ZNF664: variants seen among roughly 807,000 people sequenced by gnomAD.
ZNF664 encodes zinc finger protein 664, also known as zinc finger Organ of Corti 1.
ZNF664 carries 10 observed loss-of-function variants against 18.2 expected under a neutral mutation model. That is an observed-to-expected ratio of 0.55 (90% CI 0.34 to 0.93). The LOEUF is 0.93. Ranked by LOEUF, ZNF664 falls within the 40% of genes least tolerant of loss-of-function variation. ZNF664 has a pLI of 0.02. For synonymous variants in ZNF664, 119 were observed against 104.2 expected, an observed-to-expected ratio of 1.14 and a Z score of -0.86; for missense variants, 193 against 319.0, an observed-to-expected ratio of 0.61 and a Z score of 3.01.
Position 124,012,790 on chromosome 12 carries a change from A to G in ZNF664, c.646A>G (p.Ile216Val). The G allele has an allele frequency of 6.2e-7, 1 of 1,613,792 alleles. No individual in the cohort carries two copies. Among genetic ancestry groups the G allele is most frequent in the Non-Finnish European group, 8.5e-7 (1 of 1,179,780 alleles). Residue 216 changes from isoleucine (I) to valine (V), a missense_variant, in exon 5 of 5, where the codon ATC (isoleucine) becomes GTC (valine). Coordinates refer to ENST00000337815, the MANE Select transcript of ZNF664 (RefSeq NM_152437.3). The part of the protein sequence containing the change: ...KAFSQSSSLC[I>V]HQRVHTGEKP... Reference sequence around the variant, plus strand: ...CTTCAGTCAGAGTTCGAGCCTGTGCATCCACCAGAGAGTCCACACAGGAGA... The same window carrying G: ...CTTCAGTCAGAGTTCGAGCCTGTGCGTCCACCAGAGAGTCCACACAGGAGA...
chr12:123,987,704 A>G (rs1207838811), intron 2 of ZNF664, among the ~76,000 whole-genome samples: 1 of 152,232 alleles, frequency 6.6e-6, no homozygotes, highest in Non-Finnish European at 1.5e-5. Context: ...CATTTTAGCC[A>G]GTCTGAGTCA....
At position 123,976,814 on chromosome 12, in the gene ZNF664, C is replaced by T. The variant is rs559817720; in HGVS notation, c.-757+2794C>T. On this transcript the variant is annotated intron_variant, in intron 2 of 4. Transcript: ENST00000337815. ...AAAAAAAAAAGATCCTGGCCATGCA[C>T]AGTGGCTCACACCTGTAATCCCAGC... Among the ~76,000 whole-genome samples the T allele has an allele frequency of 7.0e-4, 106 of 152,142 alleles. 1 individual carries two copies. Among genetic ancestry groups the T allele is most frequent in the African/African-American group, 2.3e-3 (96 of 41,510 alleles).
chr12:124,003,576 T>G (rs1957038175), intron 3 of ZNF664: 1 of 152,266 alleles, frequency 6.6e-6, no homozygotes, highest in Non-Finnish European at 1.5e-5. Flanking sequence ...TTTTGTATTT[T>G]TAGTAGAGAC....
At chr12:123,982,450 C>G (rs1269759142) in intron 2 of ZNF664, among the ~76,000 whole-genome samples, 1 of 152,140 alleles carries the variant, frequency 6.6e-6, no homozygotes, top group Non-Finnish European at 1.5e-5. Context: ...CTGCCCTCCC[C>G]CTAATCTCTT....
intron 3 of ZNF664, chr12:123,998,274 C>T (rs1956972868): frequency 6.6e-6 from 1 of 152,176 alleles, no homozygotes; most frequent in Non-Finnish European, 1.5e-5. Context: ...TTCTGTTTTT[C>T]CTAAAAGATA....
chr12:124,002,880 G>A (rs969085335), intron 3 of ZNF664, among the ~76,000 whole-genome samples: 1 of 152,142 alleles, frequency 6.6e-6, no homozygotes, highest in African/African-American at 2.4e-5. Context: ...AGAGGGTATA[G>A]ATTCAGAAAA....
intron 1 of ZNF664, chr12:123,973,607 G>A (rs1180669790): frequency 2.7e-5 from 11 of 410,974 alleles, no homozygotes; most frequent in Non-Finnish European, 3.0e-5. Flanking sequence ...GCGGGGGAGC[G>A]GGGCCGGGGG....
At chr12:124,010,552 C>G (rs1457564725) in intron 3 of ZNF664, among the ~76,000 whole-genome samples, 1 of 152,196 alleles carries the variant, frequency 6.6e-6, no homozygotes, top group Admixed American at 6.5e-5. Flanking sequence ...GTACCTTTAT[C>G]TGCTCCACCA....
chr12:123,986,309 A>T (rs1956824435), intron 2 of ZNF664, among the ~76,000 whole-genome samples: 1 of 152,246 alleles, frequency 6.6e-6, no homozygotes. Flanking sequence ...GATCAGACCC[A>T]TGAGGAACTC....
At chr12:123,992,896 C>G (rs1442285617) in intron 3 of ZNF664, among the ~76,000 whole-genome samples, 1 of 152,152 alleles carries the variant, frequency 6.6e-6, no homozygotes, top group Non-Finnish European at 1.5e-5. Context: ...TTGGGCTACT[C>G]TGAGTGAAAC....
intron 2 of ZNF664, among the ~76,000 whole-genome samples, chr12:123,986,844 A>C (rs1199382897): frequency 1.3e-5 from 2 of 152,298 alleles, no homozygotes; most frequent in African/African-American, 2.4e-5. Context: ...GCCCAATATC[A>C]AGACCACTTG....
chr12:123,997,342 A>C (rs1956961820), intron 3 of ZNF664, among the ~76,000 whole-genome samples: 1 of 152,220 alleles, frequency 6.6e-6, no homozygotes, highest in African/African-American at 2.4e-5. Flanking sequence ...CTGCTGTAAC[A>C]AAGTACCACA....
In ZNF664 at chr12:123,988,130, G is replaced by A; in HGVS notation, c.-669G>A. On this transcript the variant is annotated 5_prime_UTR_variant, in exon 3 of 5. Transcript: ENST00000337815. ...GGAATGTCTTGGGGGTTTTGATCCT[G>A]TCACTGTGGTAAGTTTTCCCCTTGT... 1 of 1,231,520 alleles carries A rather than the reference G, an allele frequency of 8.1e-7. No individual in the cohort carries two copies. The highest frequency in any genetic ancestry group is 1.0e-6 in the Non-Finnish European group (1 of 987,848). 76.3% of individuals were successfully genotyped at this position (1,231,520 alleles called of 1,614,324 possible).
intron 3 of ZNF664, among the ~76,000 whole-genome samples, chr12:124,000,900 C>T (rs949659488): frequency 2.2e-4 from 33 of 152,300 alleles, no homozygotes; most frequent in Non-Finnish European, 3.4e-4. Context: ...TAAATGTTAA[C>T]GGCTCACACA....
In ZNF664 at chr12:124,012,240, A is replaced by T. The variant is rs1957142488; in HGVS notation, c.96A>T (p.Lys32Asn). ...TTCACACAGCTGAGAAGCCCCATAA[A>T]TGTGACAAGTGTGATAAGGGTTTCT... Reference protein sequence around the residue: ...QKIHTAEKPHKCDKCDKGFFH... With the variant: ...QKIHTAEKPHNCDKCDKGFFH... Residue 32 changes from lysine (K) to asparagine (N), a missense_variant, in exon 5 of 5, where the codon AAA becomes AAT. Coordinates refer to ENST00000337815, the MANE Select transcript of ZNF664 (RefSeq NM_152437.3). 1 of 1,614,098 alleles carries T rather than the reference A, an allele frequency of 6.2e-7. No homozygotes were observed. Among genetic ancestry groups the T allele is most frequent in the Non-Finnish European group, 8.5e-7 (1 of 1,180,042 alleles).
Position 124,015,065 on chromosome 12 carries a change from T to C in ZNF664, c.*2135T>C, listed in dbSNP as rs1957176194. 2 of 167,150 alleles carry C rather than the reference T, an allele frequency of 1.2e-5. No individual in the cohort carries two copies. Among genetic ancestry groups the C allele is most frequent in the Admixed American group, 1.3e-4 (2 of 15,292 alleles). The allele number at this position is 167,150 out of a possible 1,614,324, so 10.4% of individuals were successfully genotyped here. A position where few individuals can be genotyped will look rare whatever the true frequency, so the allele number is the denominator to read the frequency against. ...GAGCATTAGAGAAAAGCCTAGACTT[T>C]TAGTTGATAGCCAGTTGAAATATCA... On this transcript the variant is annotated 3_prime_UTR_variant, in exon 5 of 5. Coordinates refer to ENST00000337815, the MANE Select transcript of ZNF664 (RefSeq NM_152437.3).
At chr12:123,988,215 A>G (rs1399566398) in intron 3 of ZNF664, 77 bp downstream of exon 3, 1 of 1,222,976 alleles carries the variant, frequency 8.2e-7, no homozygotes, top group African/African-American at 1.6e-5. Context: ...AGCTGTCTCT[A>G]GAATTTTTTC....
At chr12:124,008,131 C>T (rs750641013) in intron 3 of ZNF664, among the ~76,000 whole-genome samples, 4 of 152,142 alleles carry the variant, frequency 2.6e-5, no homozygotes, top group South Asian at 4.1e-4. Context: ...CCCACCTTAC[C>T]GGCTTTTTTT....
intron 2 of ZNF664, among the ~76,000 whole-genome samples, chr12:123,982,474 G>A: frequency 6.6e-6 from 1 of 152,128 alleles, no homozygotes; most frequent in Non-Finnish European, 1.5e-5. Flanking sequence ...TCGCTTGGCA[G>A]TAAATAACAC....
Sources: gnomAD v4.1 joint callset for allele counts (sites outside exome capture counted in the v4.1 genomes callset) on GRCh38, gnomAD v4.1.1 for gene constraint, MANE v1.5 for transcripts, NCBI Gene and HGNC (gene_info 2026-07-23, HGNC 2026-07-21) for gene names.